The following GPC5 variants were observed in gnomAD, a reference collection of about 807,000 sequenced individuals.
GPC5 encodes glypican-5.
A neutral mutation model predicts 53.9 loss-of-function variants in GPC5; 47 were observed. The ratio of observed to expected loss-of-function variants is 0.87; its 90% confidence interval spans 0.69 to 1.11. GPC5 has a LOEUF of 1.11. Among genes scored for constraint, GPC5 ranks in the 50% most tolerant of loss-of-function variants. The probability of loss-of-function intolerance (pLI) is 0.00; values close to 1 mark genes in which losing one functional copy is unlikely to be tolerated. For missense variants in GPC5, 748 were observed against 713.1 expected, an observed-to-expected ratio of 1.05 and a Z score of -0.56; for synonymous variants, 286 against 263.3, an observed-to-expected ratio of 1.09 and a Z score of -0.84.
intron 7 of GPC5, among the ~76,000 whole-genome samples, chr13:92,286,346 G>A (rs1300605287): frequency 6.6e-6 from 1 of 152,120 alleles, no homozygotes; most frequent in Non-Finnish European, 1.5e-5. Flanking sequence ...CAAGGATCTA[G>A]AACTAGAAAT....
intron 7 of GPC5, among the ~76,000 whole-genome samples, chr13:92,736,518 C>G (rs539912593): frequency 4.6e-5 from 7 of 151,976 alleles, no homozygotes; most frequent in Admixed American, 4.6e-4. Context: ...CCTCCTCCTG[C>G]CTGACTGGCT....
chr13:92,673,976 T>C lies in GPC5; in HGVS notation c.1562-192306T>C, dbSNP rs1420738484. On this transcript the variant is annotated intron_variant, in intron 7 of 7. Coordinates refer to ENST00000377067, the MANE Select transcript of GPC5 (RefSeq NM_004466.6). ...TAAAATAGAGTAAAATAAACATTAATTTAAAATATTTTTTCTGCTCACTTC... is the reference window on the plus strand; with the variant it reads ...TAAAATAGAGTAAAATAAACATTAACTTAAAATATTTTTTCTGCTCACTTC... Among the ~76,000 whole-genome samples, 4 of 152,186 alleles carry C rather than the reference T, an allele frequency of 2.6e-5. No homozygotes were observed. The East Asian group carries it at 7.7e-4, about 29-fold the overall frequency.
At chr13:92,582,952 T>C (rs769295508) in intron 7 of GPC5, among the ~76,000 whole-genome samples, 13 of 151,820 alleles carry the variant, frequency 8.6e-5, no homozygotes, top group Non-Finnish European at 1.5e-4. Context: ...GATTTAACTA[T>C]TTTCCTTCCT....
chr13:91,443,498 A>G (rs1032010919), intron 1 of GPC5, among the ~76,000 whole-genome samples: 4 of 152,182 alleles, frequency 2.6e-5, no homozygotes, highest in Admixed American at 1.3e-4. Flanking sequence ...ATGGTAGCCC[A>G]AGCAGACTAA....
chr13:92,364,458 C>T (rs1430846364), intron 7 of GPC5, among the ~76,000 whole-genome samples: 4 of 151,898 alleles, frequency 2.6e-5, no homozygotes, highest in East Asian at 1.9e-4. Flanking sequence ...TGGCCAGGCG[C>T]GGTGGCTTAC....
chr13:91,636,368 C>T (rs2034284389), intron 2 of GPC5, among the ~76,000 whole-genome samples: 1 of 150,084 alleles, frequency 6.7e-6, no homozygotes, highest in South Asian at 2.1e-4. Flanking sequence ...ATAGTGTATA[C>T]ACATTATATA....
chr13:92,745,124 T>G (rs985130125), intron 7 of GPC5, among the ~76,000 whole-genome samples: 1 of 152,132 alleles, frequency 6.6e-6, no homozygotes, highest in Non-Finnish European at 1.5e-5. Flanking sequence ...CATTTTCAAA[T>G]TTTAGCCCAA....
chr13:91,883,825 G>C (rs1015437590), intron 5 of GPC5, among the ~76,000 whole-genome samples: 13 of 152,042 alleles, frequency 8.6e-5, no homozygotes, highest in African/African-American at 2.9e-4. Context: ...TACGTGTGCA[G>C]GTTTGTTATG....
intron 5 of GPC5, among the ~76,000 whole-genome samples, chr13:91,823,591 AC>A (rs2038529532): frequency 6.6e-6 from 1 of 152,096 alleles, no homozygotes; most frequent in Admixed American, 6.6e-5. Flanking sequence ...TCCAGGATTT[AC>A]CTTCTTCACA....
intron 2 of GPC5, among the ~76,000 whole-genome samples, chr13:91,547,578 A>G (rs1221628936): frequency 1.3e-5 from 2 of 152,106 alleles, no homozygotes; most frequent in African/African-American, 2.4e-5. Context: ...TGAGGAAAAT[A>G]TACCAATTCT....
intron 2 of GPC5, among the ~76,000 whole-genome samples, chr13:91,657,082 A>G (rs2034863791): frequency 6.6e-6 from 1 of 152,186 alleles, no homozygotes. Context: ...CTGAGAAGCC[A>G]TGGAATGTTT....
chr13:92,690,354 C>T lies in GPC5; in HGVS notation c.1562-175928C>T, dbSNP rs1360866385. Among the ~76,000 whole-genome samples, 4 of 92,860 alleles carry T rather than the reference C, an allele frequency of 4.3e-5. 2 individuals carry two copies. The highest frequency in any genetic ancestry group is 1.9e-4 in the African/African-American group (4 of 21,314). The allele number at this position is 92,860 out of a possible 152,430, so 60.9% of individuals were successfully genotyped here. ...GTTGATACCCTTTCCTCCAGTTGAT[C>T]GCATCAGCTCCTGAGGCTTCTGCAT... On this transcript the variant is annotated intron_variant, in intron 7 of 7. Transcript: ENST00000377067.
At chr13:92,247,062 A>T (rs1274761636) in intron 7 of GPC5, among the ~76,000 whole-genome samples, 1 of 152,152 alleles carries the variant, frequency 6.6e-6, no homozygotes, top group African/African-American at 2.4e-5. Context: ...GTGTTCACAG[A>T]CTTGTGCAGG....
intron 7 of GPC5, among the ~76,000 whole-genome samples, chr13:92,529,477 A>G (rs1215502144): frequency 6.6e-6 from 1 of 152,186 alleles, no homozygotes; most frequent in Non-Finnish European, 1.5e-5. Flanking sequence ...AGAATTAATG[A>G]TCAAATCAGC....
chr13:91,916,930 T>C (rs932233617), intron 6 of GPC5, among the ~76,000 whole-genome samples: 8 of 152,296 alleles, frequency 5.3e-5, no homozygotes, highest in Admixed American at 4.6e-4. Context: ...GATGAGATTT[T>C]GGGTGGAGAC....
chr13:92,479,977 G>C (rs1379464540), intron 7 of GPC5, among the ~76,000 whole-genome samples: 1 of 152,106 alleles, frequency 6.6e-6, no homozygotes, highest in Non-Finnish European at 1.5e-5. Flanking sequence ...GCAGGATGAA[G>C]GATAATCATC....
At chr13:92,854,323 T>G (rs966685889) in intron 7 of GPC5, among the ~76,000 whole-genome samples, 1 of 147,900 alleles carries the variant, frequency 6.8e-6, no homozygotes, top group African/African-American at 2.5e-5. Flanking sequence ...TATATATAGA[T>G]TACCCCAACT....
intron 7 of GPC5, among the ~76,000 whole-genome samples, chr13:92,488,128 TGC>T (rs1879625494): frequency 6.6e-6 from 1 of 152,024 alleles, no homozygotes; most frequent in African/African-American, 2.4e-5. Context: ...AGTGTGTGTG[TGC>T]GCGTGTGTGT....
At chr13:92,347,219 T>C (rs1406892882) in intron 7 of GPC5, among the ~76,000 whole-genome samples, 1 of 152,000 alleles carries the variant, frequency 6.6e-6, no homozygotes, top group African/African-American at 2.4e-5. Context: ...CAAATACAAC[T>C]GAAAGAGGTG....
Sources: gnomAD v4.1 joint callset for allele counts (sites outside exome capture counted in the v4.1 genomes callset) on GRCh38, gnomAD v4.1.1 for gene constraint, MANE v1.5 for transcripts, NCBI Gene and HGNC (gene_info 2026-07-23, HGNC 2026-07-21) for gene names.